Variants in BIN3 observed in about 807,000 individuals in gnomAD.
BIN3 encodes the protein bridging integrator 3.
Under a neutral mutation model 38.2 loss-of-function variants are expected in BIN3, and 41 were observed. That is an observed-to-expected ratio of 1.07 (90% CI 0.84 to 1.39). The LOEUF (loss-of-function observed/expected upper bound fraction) is 1.39, where lower values mean the gene tolerates loss of function less well. BIN3 is among the 40% of genes most tolerant of loss of function. The pLI is 0.00. For missense variants in BIN3, 361 were observed against 324.3 expected (o/e 1.11, Z -0.87); for synonymous variants, 145 against 122.6 (o/e 1.18, Z -1.21).
rs757235390 is a variant in BIN3, at chr8:22,623,957, G to A, written c.573C>T (p.Leu191=). The change falls in exon 8 of 9, where the codon CTC becomes CTT. Residue 191 remains leucine (L), a synonymous_variant. Coordinates refer to ENST00000276416, the MANE Select transcript of BIN3 (RefSeq NM_018688.6). ...EEMPRFYGSR[L]DYFQPSFESL... is the part of the protein sequence containing the mutation. ...ACTCAAAGCTGGGCTGGAAGTAGTC[G>A]AGGCGGCTGCCGTAGAAGCGCGGCA... 16 of 1,611,118 alleles carry A rather than the reference G, an allele frequency of 9.9e-6. No homozygotes were observed. The highest frequency in any genetic ancestry group is 2.2e-5 in the East Asian group (1 of 44,860).
At chr8:22,626,485 C>T (rs1263071698) in intron 6 of BIN3, 2 of 152,100 alleles carry the variant, frequency 1.3e-5, no homozygotes, top group African/African-American at 2.4e-5. Flanking sequence ...CCCTCAGCCC[C>T]AAATGGCCAA....
intron 1 of BIN3, among the ~76,000 whole-genome samples, chr8:22,652,581 C>T (rs1019333797): frequency 2.6e-5 from 4 of 152,312 alleles, no homozygotes; most frequent in East Asian, 3.9e-4. Context: ...TTCATCCTCC[C>T]GACTTCACTA....
chr8:22,645,157 C>T (rs1402373510), intron 1 of BIN3, among the ~76,000 whole-genome samples: 1 of 147,462 alleles, frequency 6.8e-6, no homozygotes, highest in Non-Finnish European at 1.5e-5. Context: ...AGAGCAAGAC[C>T]CTATCTCCAA....
intron 6 of BIN3, among the ~76,000 whole-genome samples, chr8:22,627,585 C>T (rs1037456588): frequency 3.9e-5 from 6 of 152,198 alleles, no homozygotes; most frequent in Admixed American, 6.5e-5. Context: ...CCCAACCACA[C>T]TGGGGGAGCC....
intron 1 of BIN3, among the ~76,000 whole-genome samples, chr8:22,656,754 T>G (rs187172434): frequency 6.6e-6 from 1 of 152,240 alleles, no homozygotes; most frequent in Non-Finnish European, 1.5e-5. Context: ...TATTAGGTTT[T>G]TGAATTCCAC....
chr8:22,654,952 T>C (rs1046276204), intron 1 of BIN3, among the ~76,000 whole-genome samples: 1 of 152,214 alleles, frequency 6.6e-6, no homozygotes, highest in African/African-American at 2.4e-5. Context: ...CAGTGGTATA[T>C]AAGGGTTCCA....
chr8:22,640,107 C>A (rs1044162696), intron 2 of BIN3, among the ~76,000 whole-genome samples: 2 of 152,156 alleles, frequency 1.3e-5, no homozygotes, highest in Admixed American at 6.5e-5. Context: ...GGTGATCCCC[C>A]CCGCCTCGGC....
chr8:22,654,214 C>T (rs923798651), intron 1 of BIN3, among the ~76,000 whole-genome samples: 3 of 152,152 alleles, frequency 2.0e-5, no homozygotes, highest in Admixed American at 1.3e-4. Context: ...GATGTCTCTT[C>T]TATTCTCCCT....
chr8:22,637,027 C>T (rs1201664754), intron 2 of BIN3, 65 bp from the exon 3 acceptor site: 1 of 1,436,620 alleles, frequency 7.0e-7, no homozygotes, highest in Non-Finnish European at 9.7e-7. Flanking sequence ...ACCTCCCAGC[C>T]TCCTGAAACT....
chr8:22,634,606 G>GT, intron 4 of BIN3: 1 of 450,696 alleles, frequency 2.2e-6, no homozygotes, highest in South Asian at 1.6e-5. Context: ...GCAGTACCAA[G>GT]TAGGAGCACA....
intron 1 of BIN3, among the ~76,000 whole-genome samples, chr8:22,665,718 AG>A (rs879315482): frequency 6.6e-6 from 1 of 152,246 alleles, no homozygotes; most frequent in African/African-American, 2.4e-5. Context: ...CCAGGCCCAG[AG>A]GGCCTCAGAA....
chr8:22,644,381 T>TA (rs1327168884), intron 2 of BIN3, among the ~76,000 whole-genome samples: 2 of 152,284 alleles, frequency 1.3e-5, no homozygotes, highest in African/African-American at 4.8e-5. Flanking sequence ...GTAACAGAAA[T>TA]AAATGCCTGG....
rs181817464 is a variant in BIN3, at chr8:22,630,467, C to T, written c.272G>A (p.Arg91Gln). The change falls in exon 5 of 9, where the codon CGG (arginine) becomes CAG (glutamine). Residue 91 changes from arginine to glutamine, a missense_variant. Arg to Gln is a conservative substitution (Grantham distance 43). Transcript: ENST00000276416. ...CTTTTCCTGATTGAAGGCATCCATC[C>T]GCTTCATGGCCGTGTCCAGGGCCGT... Reference protein sequence around the residue: ...MVTALDTAMKRMDAFNQEKVN... With the variant: ...MVTALDTAMKQMDAFNQEKVN... 1.1e-5 allele frequency: 18 copies of T among 1,614,032 alleles called. No homozygotes were observed. The highest frequency in any genetic ancestry group is 4.5e-5 in the East Asian group (2 of 44,894).
At chr8:22,626,917 C>A (rs1023771890) in intron 6 of BIN3, among the ~76,000 whole-genome samples, 1 of 152,170 alleles carries the variant, frequency 6.6e-6, no homozygotes, top group Non-Finnish European at 1.5e-5. Flanking sequence ...CTGACTACAG[C>A]GGAGTGCCGA....
chr8:22,628,219 T>C (rs962678088), intron 6 of BIN3, among the ~76,000 whole-genome samples: 63 of 152,320 alleles, frequency 4.1e-4, no homozygotes, highest in African/African-American at 1.4e-3. Context: ...GACATGTGAA[T>C]ACGGCCCAGA....
intron 6 of BIN3, chr8:22,625,274 G>A: frequency 1.4e-6 from 1 of 701,046 alleles, no homozygotes; most frequent in Non-Finnish European, 2.6e-6. Flanking sequence ...CTGGAGGGCT[G>A]GCCCTCGGTG....
chr8:22,634,727 A>G (rs1802315071), intron 4 of BIN3, among the ~76,000 whole-genome samples: 1 of 152,122 alleles, frequency 6.6e-6, no homozygotes, highest in Non-Finnish European at 1.5e-5. Flanking sequence ...AGCCAAGCAA[A>G]GAGTGGATGG....
intron 1 of BIN3, among the ~76,000 whole-genome samples, chr8:22,663,440 T>TA (rs35060338): frequency 0.34 from 42,875 of 127,850 alleles, 7,237 homozygotes; most frequent in African/African-American, 0.41. Flanking sequence ...CCGATTTGTT[T>TA]AAAAAAAAAA....
At chr8:22,625,598 T>C in intron 6 of BIN3, 1 of 593,190 alleles carries the variant, frequency 1.7e-6, no homozygotes, top group Non-Finnish European at 3.0e-6. Context: ...GACCAGGAAT[T>C]TGGTTTTGAG....
Sources: gnomAD v4.1 joint callset for allele counts (sites outside exome capture counted in the v4.1 genomes callset) on GRCh38, gnomAD v4.1.1 for gene constraint, MANE v1.5 for transcripts, NCBI Gene and HGNC (gene_info 2026-07-23, HGNC 2026-07-21) for gene names.